AFG2A: variants seen among roughly 807,000 people sequenced by gnomAD.
AFG2A encodes ATPase family gene 2 protein homolog A.
chr4:123,090,292 A>G, the AFG2A span, among the ~76,000 whole-genome samples: 2 of 152,216 alleles, frequency 1.3e-5, no homozygotes, highest in Non-Finnish European at 2.9e-5. Context: ...GAACTATTTT[A>G]AATAATCTTA....
the AFG2A span, among the ~76,000 whole-genome samples, chr4:123,107,683 GC>G: frequency 2.0e-5 from 3 of 152,218 alleles, no homozygotes; most frequent in African/African-American, 7.2e-5. Context: ...GCCATCCATG[GC>G]CCCCAGGCTG....
the AFG2A span, chr4:122,938,303 T>A: frequency 1.4e-6 from 2 of 1,398,920 alleles, no homozygotes; most frequent in Non-Finnish European, 1.9e-6. Context: ...AATACTTATG[T>A]GTAGTGGTAA....
chr4:123,302,128 A>G, the AFG2A span, among the ~76,000 whole-genome samples: 1 of 152,146 alleles, frequency 6.6e-6, no homozygotes, highest in Non-Finnish European at 1.5e-5. Context: ...CCATCCCCCG[A>G]GCCGCTTCCT....
chr4:123,190,698 G>T, the AFG2A span, among the ~76,000 whole-genome samples: 1 of 152,150 alleles, frequency 6.6e-6, no homozygotes, highest in Non-Finnish European at 1.5e-5. Flanking sequence ...TATGGGGTAG[G>T]TTTATCAGAA....
chr4:123,016,957 CA>C, the AFG2A span, among the ~76,000 whole-genome samples: 1 of 152,062 alleles, frequency 6.6e-6, no homozygotes, highest in Non-Finnish European at 1.5e-5. Flanking sequence ...CCGTCTCCAC[CA>C]AAAAAATACG....
chr4:122,936,649 A>C, the AFG2A span, among the ~76,000 whole-genome samples: 1 of 152,178 alleles, frequency 6.6e-6, no homozygotes. Flanking sequence ...GTTTGAGACC[A>C]GCCTGGGCAA....
At chr4:122,923,078 C>A in the AFG2A span, 1 of 1,594,058 alleles carries the variant, frequency 6.3e-7, no homozygotes, top group South Asian at 1.1e-5. Flanking sequence ...GGAAGTTTTT[C>A]TCTCAGTTGA....
At chr4:122,965,943 C>T in the AFG2A span, among the ~76,000 whole-genome samples, 1 of 152,070 alleles carries the variant, frequency 6.6e-6, no homozygotes, top group African/African-American at 2.4e-5. Flanking sequence ...TTAATCTTTT[C>T]ATTTAATAAA....
chr4:123,103,696 C>T, the AFG2A span, among the ~76,000 whole-genome samples: 2 of 152,146 alleles, frequency 1.3e-5, no homozygotes, highest in African/African-American at 4.8e-5. Flanking sequence ...CCAGCAAAGA[C>T]CTGTTTGTAA....
At chr4:123,286,789 T>A in the AFG2A span, among the ~76,000 whole-genome samples, 1 of 150,918 alleles carries the variant, frequency 6.6e-6, no homozygotes, top group Non-Finnish European at 1.5e-5. Context: ...AGGGAAGGAG[T>A]GGTTGTGCTA....
At chr4:123,252,120 T>A in the AFG2A span, among the ~76,000 whole-genome samples, 2 of 152,176 alleles carry the variant, frequency 1.3e-5, no homozygotes, top group Non-Finnish European at 2.9e-5. Flanking sequence ...TTCCAAAAAT[T>A]CCTTCATATA....
At chr4:122,948,574 C>T in the AFG2A span, among the ~76,000 whole-genome samples, 1 of 152,040 alleles carries the variant, frequency 6.6e-6, no homozygotes, top group African/African-American at 2.4e-5. Flanking sequence ...TGCTGGACCC[C>T]TATTAACTTC....
At chr4:123,256,519 C>A in the AFG2A span, among the ~76,000 whole-genome samples, 247 of 152,270 alleles carry the variant, frequency 1.6e-3, 5 homozygotes, top group East Asian at 0.032. Context: ...TCTAACTTTG[C>A]GTTCTTTACC....
the AFG2A span, among the ~76,000 whole-genome samples, chr4:123,017,897 T>A: frequency 6.6e-6 from 1 of 152,240 alleles, no homozygotes; most frequent in East Asian, 1.9e-4. Flanking sequence ...TCTTGACTCA[T>A]AGATGTATAA....
the AFG2A span, among the ~76,000 whole-genome samples, chr4:123,007,650 C>CATAT: frequency 2.1e-5 from 1 of 48,640 alleles, no homozygotes; most frequent in African/African-American, 4.4e-5. Context: ...ACAACACACA[C>CATAT]ACACACACAC....
At chr4:123,058,451 G>A in the AFG2A span, among the ~76,000 whole-genome samples, 134 of 152,176 alleles carry the variant, frequency 8.8e-4, no homozygotes, top group Admixed American at 1.9e-3. Flanking sequence ...ATGGTGAAAC[G>A]CTGTCTCTAC....
chr4:123,016,381 C>A, the AFG2A span, among the ~76,000 whole-genome samples: 10 of 150,700 alleles, frequency 6.6e-5, no homozygotes, highest in African/African-American at 2.4e-4. Context: ...GGTTGCCAGG[C>A]GGAGGGTCTC....
chr4:123,200,954 G>A, the AFG2A span, among the ~76,000 whole-genome samples: 1 of 152,200 alleles, frequency 6.6e-6, no homozygotes, highest in Non-Finnish European at 1.5e-5. Context: ...ACAGTTTAGA[G>A]AGCCAGGTTC....
the AFG2A span, chr4:122,934,116 A>G: frequency 1.3e-6 from 2 of 1,596,148 alleles, no homozygotes; most frequent in Non-Finnish European, 1.7e-6. Context: ...TTGTTTTACC[A>G]GGCAACTTTC....
Sources: allele counts gnomAD v4.1 joint callset (sites outside exome capture counted in the v4.1 genomes callset), GRCh38; gene constraint gnomAD v4.1.1; transcripts MANE v1.5; gene names NCBI Gene and HGNC (gene_info 2026-07-23, HGNC 2026-07-21).